Variants in CLNK observed in about 807,000 individuals in gnomAD.
CLNK encodes cytokine dependent hematopoietic cell linker.
A neutral mutation model predicts 68.6 loss-of-function variants in CLNK; 74 were observed. The ratio of observed to expected loss-of-function variants is 1.08; its 90% confidence interval spans 0.89 to 1.31. The LOEUF (loss-of-function observed/expected upper bound fraction) is 1.31. Ranked by LOEUF, CLNK falls within the 50% of genes most tolerant of loss-of-function variation. The pLI, the probability that CLNK is intolerant of heterozygous loss-of-function variation, is 0.00. For synonymous variants in CLNK, 198 were observed against 172.2 expected, an observed-to-expected ratio of 1.15 and a Z score of -1.17; for missense variants, 553 against 515.3, an observed-to-expected ratio of 1.07 and a Z score of -0.71.
chr4:10,573,649 C>G (rs771955511), intron 4 of CLNK, among the ~76,000 whole-genome samples: 1 of 152,182 alleles, frequency 6.6e-6, no homozygotes. Context: ...TCGAGGAAAA[C>G]AACTCCACTG....
chr4:10,711,284 C>T, the CLNK span, among the ~76,000 whole-genome samples: 2 of 152,148 alleles, frequency 1.3e-5, no homozygotes, highest in East Asian at 3.8e-4. Flanking sequence ...AGTACAGGGC[C>T]TGGTGTCCAA....
At chr4:10,544,981 T>C in intron 8 of CLNK, among the ~76,000 whole-genome samples, 1 of 152,122 alleles carries the variant, frequency 6.6e-6, no homozygotes, top group East Asian at 1.9e-4. Context: ...AATGGATTGA[T>C]CTATTTATGA....
intron 18 of CLNK, among the ~76,000 whole-genome samples, chr4:10,499,884 T>C (rs991408109): frequency 2.0e-5 from 3 of 152,152 alleles, no homozygotes; most frequent in African/African-American, 4.8e-5. Context: ...ACATCTCTCA[T>C]ATTGGATTAG....
chr4:10,549,177 G>A (rs1163239289), intron 8 of CLNK, among the ~76,000 whole-genome samples: 4 of 152,154 alleles, frequency 2.6e-5, no homozygotes, highest in Non-Finnish European at 5.9e-5. Context: ...CAAATATGCC[G>A]ACTGGCAAGT....
At chr4:10,577,410 T>A (rs534032833) in intron 4 of CLNK, among the ~76,000 whole-genome samples, 1 of 152,322 alleles carries the variant, frequency 6.6e-6, no homozygotes, top group Non-Finnish European at 1.5e-5. Context: ...TGTCTCCCCA[T>A]ACCTATTTTC....
At chr4:10,680,699 C>T (rs1725064222) in intron 1 of CLNK, among the ~76,000 whole-genome samples, 2 of 152,124 alleles carry the variant, frequency 1.3e-5, no homozygotes, top group Non-Finnish European at 2.9e-5. Flanking sequence ...AATCTCATTT[C>T]TCACCACAAA....
Position 10,554,153 on chromosome 4 carries a change from G to C in CLNK, c.445+4254C>G, listed in dbSNP as rs16869808. ...CCCAGATGTCTCTGTTTTTAATTTA[G>C]AATGTCCTGCTTCTGAAGAACCCCT... is the stretch of plus-strand genomic sequence containing the variant. On this transcript the variant is annotated intron_variant, in intron 8 of 18. Transcript: ENST00000226951. 8.1e-3 allele frequency among the ~76,000 whole-genome samples: 1,234 copies of C among 152,302 alleles called. 23 individuals are homozygous for C. Among genetic ancestry groups the C allele is most frequent in the East Asian group, 0.056 (292 of 5,192 alleles).
chr4:10,546,326 T>C (rs947664846), intron 8 of CLNK, among the ~76,000 whole-genome samples: 80 of 152,226 alleles, frequency 5.3e-4, no homozygotes, highest in African/African-American at 1.9e-3. Flanking sequence ...CTTCTATATT[T>C]TGCTTAGAAT....
intron 2 of CLNK, chr4:10,598,529 CATT>C: frequency 4.0e-6 from 1 of 251,986 alleles, no homozygotes; most frequent in Non-Finnish European, 8.0e-6. Context: ...ATCTAGCAAA[CATT>C]ATCCAACGTG....
chr4:10,700,974 C>T, the CLNK span, among the ~76,000 whole-genome samples: 17 of 152,182 alleles, frequency 1.1e-4, no homozygotes, highest in South Asian at 1.7e-3. Flanking sequence ...CAAATTGTTA[C>T]GACTAAATTG....
At chr4:10,732,977 A>T in the CLNK span, among the ~76,000 whole-genome samples, 1 of 152,310 alleles carries the variant, frequency 6.6e-6, no homozygotes, top group East Asian at 1.9e-4. Flanking sequence ...CATTTTAGGA[A>T]ATTTCTAGTG....
At chr4:10,543,689 G>A (rs1326978433) in intron 8 of CLNK, among the ~76,000 whole-genome samples, 2 of 152,216 alleles carry the variant, frequency 1.3e-5, no homozygotes, top group East Asian at 1.9e-4. Context: ...AAACTGGTCT[G>A]TATAATTTTA....
intron 10 of CLNK, 132 bp from the exon 11 acceptor site, chr4:10,540,736 T>C: frequency 3.1e-6 from 2 of 652,750 alleles, no homozygotes; most frequent in Non-Finnish European, 5.5e-6. Flanking sequence ...GGATGCTAAC[T>C]GCGGAGCAGA....
chr4:10,566,234 G>T (rs908511962), intron 5 of CLNK, 84 bp from the exon 6 acceptor site: 3 of 1,332,516 alleles, frequency 2.3e-6, no homozygotes, highest in African/African-American at 1.5e-5. Flanking sequence ...AGAGAAATGG[G>T]GTAGACCTTC....
the CLNK span, among the ~76,000 whole-genome samples, chr4:10,707,954 G>T: frequency 1.3e-5 from 2 of 152,186 alleles, no homozygotes; most frequent in Admixed American, 6.5e-5. Flanking sequence ...GTCACCTGGA[G>T]AGAGCTAGAA....
the CLNK span, among the ~76,000 whole-genome samples, chr4:10,717,452 C>T: frequency 2.0e-5 from 3 of 152,122 alleles, no homozygotes; most frequent in African/African-American, 4.8e-5. Flanking sequence ...AAAAATCAGC[C>T]GGATGTGGTT....
At chr4:10,672,805 C>T (rs1186529340) in intron 1 of CLNK, among the ~76,000 whole-genome samples, 2 of 152,152 alleles carry the variant, frequency 1.3e-5, no homozygotes, top group East Asian at 3.8e-4. Flanking sequence ...TCAGTCTATT[C>T]CCATCTCCAT....
At chr4:10,678,688 C>CA (rs1376893792) in intron 1 of CLNK, among the ~76,000 whole-genome samples, 1 of 152,124 alleles carries the variant, frequency 6.6e-6, no homozygotes, top group Non-Finnish European at 1.5e-5. Context: ...TCTCAGGATA[C>CA]AAAATCAATG....
intron 3 of CLNK, among the ~76,000 whole-genome samples, chr4:10,588,931 T>C (rs1577150049): frequency 6.6e-6 from 1 of 151,790 alleles, no homozygotes; most frequent in Non-Finnish European, 1.5e-5. Flanking sequence ...AAGGGCTGGG[T>C]GGAGGAGAAA....
Sources: gnomAD v4.1 joint callset for allele counts (sites outside exome capture counted in the v4.1 genomes callset) on GRCh38, gnomAD v4.1.1 for gene constraint, MANE v1.5 for transcripts, NCBI Gene and HGNC (gene_info 2026-07-23, HGNC 2026-07-21) for gene names.